Variants in MTUS2 observed in about 807,000 individuals in gnomAD.
MTUS2 encodes the protein microtubule associated scaffold protein 2, also known as microtubule-associated tumor suppressor candidate 2.
A neutral mutation model predicts 114.1 loss-of-function variants in MTUS2; 40 were observed. That is an observed-to-expected ratio of 0.35 (90% CI 0.27 to 0.46). The LOEUF is 0.46. Ranked by LOEUF, MTUS2 falls within the 20% of genes least tolerant of loss-of-function variation. The probability of loss-of-function intolerance (pLI) is 1.00; values close to 1 mark genes in which losing one functional copy is unlikely to be tolerated. For synonymous variants in MTUS2, 688 were observed against 672.0 expected, an observed-to-expected ratio of 1.02 and a Z score of -0.37; for missense variants, 1,679 against 1,705.4, an observed-to-expected ratio of 0.98 and a Z score of 0.27.
At chr13:29,389,023 C>T (rs1872828438) in intron 8 of MTUS2, among the ~76,000 whole-genome samples, 1 of 152,038 alleles carries the variant, frequency 6.6e-6, no homozygotes, top group South Asian at 2.1e-4. Context: ...CCCTTCTTTC[C>T]TCATAGCAGT....
chr13:28,902,090 A>T (rs1173206186), intron 2 of MTUS2, among the ~76,000 whole-genome samples: 1 of 152,048 alleles, frequency 6.6e-6, no homozygotes, highest in Non-Finnish European at 1.5e-5. Flanking sequence ...TTTTTTGTGG[A>T]GAGATTATAA....
chr13:29,372,778 T>G (rs1204780473), intron 8 of MTUS2, among the ~76,000 whole-genome samples: 1 of 152,142 alleles, frequency 6.6e-6, no homozygotes, highest in Non-Finnish European at 1.5e-5. Context: ...AGAATGACCA[T>G]TACTTATATG....
chr13:29,314,118 A>G (rs1899888548), intron 6 of MTUS2, among the ~76,000 whole-genome samples: 1 of 152,170 alleles, frequency 6.6e-6, no homozygotes, highest in Admixed American at 6.6e-5. Context: ...AGTAGGAAGA[A>G]AGCAAAGGAA....
At chr13:29,405,532 G>A (rs1489921080) in intron 8 of MTUS2, among the ~76,000 whole-genome samples, 2 of 152,136 alleles carry the variant, frequency 1.3e-5, no homozygotes, top group Non-Finnish European at 2.9e-5. Flanking sequence ...TTAATTCAGT[G>A]TAAATGACGT....
intron 8 of MTUS2, among the ~76,000 whole-genome samples, chr13:29,404,378 G>A (rs1363853405): frequency 6.6e-6 from 1 of 152,068 alleles, no homozygotes; most frequent in Non-Finnish European, 1.5e-5. Flanking sequence ...AAAGTTAGCA[G>A]GGCATGGTGG....
At chr13:29,430,425 T>TTTAA (rs1876903203) in intron 8 of MTUS2, among the ~76,000 whole-genome samples, 1 of 152,222 alleles carries the variant, frequency 6.6e-6, no homozygotes, top group Non-Finnish European at 1.5e-5. Flanking sequence ...TTAATGTTAC[T>TTTAA]TCATCTCTTT....
rs181964245 is a variant in MTUS2, at chr13:28,993,568, T to C, written c.-242-30889T>C. Among the ~76,000 whole-genome samples, 245 of 152,318 alleles carry C rather than the reference T, an allele frequency of 1.6e-3. 1 individual carries two copies. The highest frequency in any genetic ancestry group is 5.7e-3 in the African/African-American group (235 of 41,586). On this transcript the variant is annotated intron_variant, in intron 2 of 15. Transcript: ENST00000612955. ...GTCTTATGTTTAAATCTTTAATCCA[T>C]CTTGAGTTAATTTTTTTATCTAGAG...
At chr13:28,914,303 C>G (rs993471055) in intron 2 of MTUS2, among the ~76,000 whole-genome samples, 2 of 152,038 alleles carry the variant, frequency 1.3e-5, no homozygotes, top group Non-Finnish European at 2.9e-5. Flanking sequence ...TCTGTTTGTT[C>G]TCATTAGTTT....
intron 5 of MTUS2, among the ~76,000 whole-genome samples, chr13:29,108,991 A>G (rs1890778166): frequency 6.6e-6 from 1 of 152,230 alleles, no homozygotes; most frequent in Non-Finnish European, 1.5e-5. Flanking sequence ...GGATGATGGA[A>G]CCATGAAGAT....
chr13:29,276,637 C>T (rs1035911621), intron 5 of MTUS2, among the ~76,000 whole-genome samples: 3 of 152,168 alleles, frequency 2.0e-5, no homozygotes, highest in African/African-American at 7.2e-5. Flanking sequence ...GTGGCTCATG[C>T]CTGTAATCCC....
chr13:29,190,182 CA>C (rs1225899926), intron 5 of MTUS2, among the ~76,000 whole-genome samples: 1 of 152,164 alleles, frequency 6.6e-6, no homozygotes, highest in Non-Finnish European at 1.5e-5. Flanking sequence ...GCAGCCTAAG[CA>C]GACCGAGATA....
At chr13:29,248,450 A>T (rs911045639) in intron 5 of MTUS2, among the ~76,000 whole-genome samples, 9 of 152,206 alleles carry the variant, frequency 5.9e-5, no homozygotes, top group Admixed American at 2.6e-4. Flanking sequence ...TTTTCTTTTT[A>T]AAAAAATTTT....
intron 2 of MTUS2, among the ~76,000 whole-genome samples, chr13:28,856,816 A>G (rs1262222670): frequency 1.3e-5 from 2 of 152,326 alleles, no homozygotes; most frequent in African/African-American, 2.4e-5. Flanking sequence ...CCTATTTCGC[A>G]TCTTTGTTTG....
At chr13:29,273,745 GTCTC>G (rs1341832217) in intron 5 of MTUS2, among the ~76,000 whole-genome samples, 1 of 152,068 alleles carries the variant, frequency 6.6e-6, no homozygotes, top group African/African-American at 2.4e-5. Context: ...TCAACTTTCT[GTCTC>G]TCTGTCTATT....
chr13:29,309,732 T>C (rs11842724), intron 6 of MTUS2, among the ~76,000 whole-genome samples: 14,975 of 152,172 alleles, frequency 0.098, 1,116 homozygotes, highest in African/African-American at 0.2. Context: ...AATACCATTT[T>C]GCATGCTTAA....
chr13:29,242,972 G>A (rs1001460520), intron 5 of MTUS2, among the ~76,000 whole-genome samples: 3 of 152,084 alleles, frequency 2.0e-5, no homozygotes, highest in Non-Finnish European at 4.4e-5. Flanking sequence ...GGTGGTGCTG[G>A]TAACTGAGAT....
At chr13:29,190,638 G>T (rs1472348021) in intron 5 of MTUS2, among the ~76,000 whole-genome samples, 1 of 152,112 alleles carries the variant, frequency 6.6e-6, no homozygotes, top group Non-Finnish European at 1.5e-5. Flanking sequence ...TTAGTTAGGT[G>T]TGGTGCACTG....
intron 5 of MTUS2, among the ~76,000 whole-genome samples, chr13:29,124,887 G>A (rs1267099320): frequency 1.3e-5 from 2 of 152,164 alleles, no homozygotes; most frequent in Admixed American, 1.3e-4. Flanking sequence ...GGAGTACTCA[G>A]ATTCATAGAG....
intron 8 of MTUS2, among the ~76,000 whole-genome samples, chr13:29,364,881 G>A (rs184338807): frequency 2.0e-5 from 3 of 152,132 alleles, no homozygotes; most frequent in Non-Finnish European, 4.4e-5. Flanking sequence ...ACTTATAAAC[G>A]ATGCTCTGCG....
Sources: allele counts gnomAD v4.1 joint callset (sites outside exome capture counted in the v4.1 genomes callset), GRCh38; gene constraint gnomAD v4.1.1; transcripts MANE v1.5; gene names NCBI Gene and HGNC (gene_info 2026-07-23, HGNC 2026-07-21).